The following SEMA3D variants were observed in gnomAD, a reference collection of about 807,000 sequenced individuals.
SEMA3D encodes the protein semaphorin 3D.
In SEMA3D, 84 loss-of-function variants were observed where a neutral mutation model predicts 100.1. The ratio of observed to expected loss-of-function variants is 0.84; its 90% CI spans 0.70 to 1.01. The LOEUF is 1.01. Ranked by LOEUF, SEMA3D falls within the 50% of genes least tolerant of loss-of-function variation. SEMA3D has a pLI of 0.00. For missense variants in SEMA3D, 875 were observed against 934.1 expected (o/e 0.94, Z 0.82); for synonymous variants, 312 against 320.7 (o/e 0.97, Z 0.29).
chr7:85,144,503 T>C (rs1364509766), intron 2 of SEMA3D: 5 of 977,880 alleles, frequency 5.1e-6, no homozygotes, highest in Non-Finnish European at 6.1e-6. Flanking sequence ...ATTCTCAGAA[T>C]AGAGATATAT....
At chr7:85,048,565 T>A (rs755866222) in intron 9 of SEMA3D, among the ~76,000 whole-genome samples, 1 of 151,862 alleles carries the variant, frequency 6.6e-6, no homozygotes, top group African/African-American at 2.4e-5. Context: ...TTAAGTGAAC[T>A]AATGGAAGAT....
At chr7:85,186,122 G>T (rs1791538781) in intron 1 of SEMA3D, among the ~76,000 whole-genome samples, 1 of 152,140 alleles carries the variant, frequency 6.6e-6, no homozygotes. Flanking sequence ...AAACCACCAC[G>T]CTTCCCTTCC....
intron 3 of SEMA3D, among the ~76,000 whole-genome samples, chr7:85,116,284 C>CATAT (rs1375134794): frequency 3.5e-5 from 5 of 144,498 alleles, no homozygotes; most frequent in African/African-American, 1.3e-4. Flanking sequence ...CAATTGTATA[C>CATAT]ATATACAATT....
At chr7:85,202,596 A>G in the SEMA3D span, among the ~76,000 whole-genome samples, 1 of 152,088 alleles carries the variant, frequency 6.6e-6, no homozygotes, top group Non-Finnish European at 1.5e-5. Context: ...TACTCATCTG[A>G]CAAAGGGCTG....
intron 17 of SEMA3D, among the ~76,000 whole-genome samples, chr7:85,007,807 C>T (rs1789841122): frequency 6.6e-6 from 1 of 151,772 alleles, no homozygotes; most frequent in Non-Finnish European, 1.5e-5. Flanking sequence ...TTACTTAGCA[C>T]TATAGACATC....
chr7:85,070,348 C>T (rs891442827), intron 6 of SEMA3D, among the ~76,000 whole-genome samples: 3 of 152,192 alleles, frequency 2.0e-5, no homozygotes, highest in East Asian at 3.8e-4. Flanking sequence ...CACTCTTCAA[C>T]TCACTGGCAA....
At chr7:85,091,203 G>A (rs1039421497) in intron 4 of SEMA3D, among the ~76,000 whole-genome samples, 8 of 148,418 alleles carry the variant, frequency 5.4e-5, no homozygotes, top group Admixed American at 2.7e-4. Context: ...AGGAGGGAGG[G>A]AGGGAAGGAA....
chr7:85,198,941 C>T, the SEMA3D span, among the ~76,000 whole-genome samples: 2 of 150,830 alleles, frequency 1.3e-5, no homozygotes, highest in Non-Finnish European at 1.5e-5. Context: ...AATAGCCATA[C>T]ATTTTCTTAC....
intron 1 of SEMA3D, among the ~76,000 whole-genome samples, chr7:85,181,319 A>AAC (rs3076567): frequency 0.16 from 15,040 of 93,424 alleles, 880 homozygotes; most frequent in Non-Finnish European, 0.2. Flanking sequence ...ACATGCTCAC[A>AAC]ACACACACAC....
intron 9 of SEMA3D, among the ~76,000 whole-genome samples, chr7:85,055,410 A>G (rs1420192107): frequency 6.6e-6 from 1 of 151,914 alleles, no homozygotes; most frequent in African/African-American, 2.4e-5. Flanking sequence ...GCTGCCAAAG[A>G]TGTGTAACTC....
At chr7:85,063,175 T>C (rs950740442) in intron 8 of SEMA3D, among the ~76,000 whole-genome samples, 2 of 152,174 alleles carry the variant, frequency 1.3e-5, no homozygotes, top group East Asian at 3.9e-4. Context: ...ACAAAGAATT[T>C]GAATGGACAT....
intron 2 of SEMA3D, among the ~76,000 whole-genome samples, chr7:85,134,841 T>A (rs940414202): frequency 6.6e-6 from 1 of 151,960 alleles, no homozygotes; most frequent in Non-Finnish European, 1.5e-5. Context: ...AAACTTTGTG[T>A]CTCCCCAAGT....
At chr7:85,144,463 A>T in intron 2 of SEMA3D, 1 of 979,928 alleles carries the variant, frequency 1.0e-6, no homozygotes, top group Non-Finnish European at 1.2e-6. Flanking sequence ...AGAGGTAGAA[A>T]ATATATTTTA....
At chr7:85,093,837 C>A (rs2116295619) in intron 4 of SEMA3D, among the ~76,000 whole-genome samples, 1 of 152,014 alleles carries the variant, frequency 6.6e-6, no homozygotes, top group Admixed American at 6.6e-5. Flanking sequence ...TGGATGAAGG[C>A]ATACTGACAC....
intron 4 of SEMA3D, among the ~76,000 whole-genome samples, chr7:85,095,339 T>C (rs1788516658): frequency 6.6e-6 from 1 of 152,000 alleles, no homozygotes; most frequent in Non-Finnish European, 1.5e-5. Flanking sequence ...GTACAAAACC[T>C]CCAAGTTCAC....
At chr7:85,091,138 G>C (rs540486871) in intron 4 of SEMA3D, among the ~76,000 whole-genome samples, 7 of 143,406 alleles carry the variant, frequency 4.9e-5, no homozygotes, top group Non-Finnish European at 9.1e-5. Context: ...AGGAGGGAAG[G>C]AAGGAAGGAA....
intron 17 of SEMA3D, among the ~76,000 whole-genome samples, chr7:85,009,147 T>C (rs902418366): frequency 4.0e-5 from 6 of 151,834 alleles, no homozygotes; most frequent in African/African-American, 4.8e-5. Context: ...TAGCTTCTTA[T>C]TACATGTAAG....
Position 85,066,913 on chromosome 7 carries a change from C to G in SEMA3D, c.589+1278G>C, listed in dbSNP as rs13308467. Among the ~76,000 whole-genome samples, 492 of 127,798 alleles carry G rather than the reference C, an allele frequency of 3.8e-3. 1 individual carries two copies. Among genetic ancestry groups the G allele is most frequent in the East Asian group, 8.2e-3 (35 of 4,244 alleles). The allele number at this position is 127,798 out of a possible 152,430, so 83.8% of individuals were successfully genotyped here. A position where few individuals can be genotyped will look rare whatever the true frequency, so the allele number is the denominator to read the frequency against. The stretch of plus-strand genomic sequence containing the variant: ...GCGCTCACACACACACACACACACA[C>G]AGAGAGAGAGAGAGAGAGAGAGAGA... On this transcript the variant is annotated intron_variant, in intron 7 of 18. Transcript: ENST00000284136.
At chr7:85,171,749 G>A (rs537100765) in intron 1 of SEMA3D, among the ~76,000 whole-genome samples, 4 of 151,870 alleles carry the variant, frequency 2.6e-5, no homozygotes, top group South Asian at 2.1e-4. Flanking sequence ...TTTATAATAC[G>A]TATTCACTAA....
Sources: allele counts gnomAD v4.1 joint callset (sites outside exome capture counted in the v4.1 genomes callset), GRCh38; gene constraint gnomAD v4.1.1; transcripts MANE v1.5; gene names NCBI Gene and HGNC (gene_info 2026-07-23, HGNC 2026-07-21).